MSRB3: variants seen among roughly 807,000 people sequenced by gnomAD.
MSRB3 encodes methionine-R-sulfoxide reductase B3.
Under a neutral mutation model 21.0 loss-of-function variants are expected in MSRB3, and 13 were observed. That is an observed-to-expected ratio of 0.62 (90% CI 0.40 to 0.98). The LOEUF is 0.98. Ranked by LOEUF, MSRB3 falls within the 50% of genes least tolerant of loss-of-function variation. MSRB3 has a pLI of 0.00. For synonymous variants in MSRB3, 87 were observed against 88.6 expected (o/e 0.98, Z 0.10); for missense variants, 199 against 230.3 (o/e 0.86, Z 0.88).
intron 1 of MSRB3, among the ~76,000 whole-genome samples, chr12:65,298,402 G>A (rs576131425): frequency 1.3e-5 from 2 of 152,326 alleles, no homozygotes; most frequent in African/African-American, 4.8e-5. Flanking sequence ...GCAGTTTGAA[G>A]TAGATATGGA....
At chr12:65,338,253 C>A (rs1317062342) in intron 4 of MSRB3, among the ~76,000 whole-genome samples, 1 of 152,036 alleles carries the variant, frequency 6.6e-6, no homozygotes. Flanking sequence ...ATTTCAAGTA[C>A]AGATATGACA....
chr12:65,360,026 G>A lies in MSRB3; in HGVS notation c.264-8972G>A, dbSNP rs1877609490. Reference sequence around the variant, plus strand: ...GGTCTGATGTCTTCTGAGGTCTCTCGTTGGCTTGTAGATGGTTATCTTCTC... The same window carrying A: ...GGTCTGATGTCTTCTGAGGTCTCTCATTGGCTTGTAGATGGTTATCTTCTC... On this transcript the variant is annotated intron_variant, in intron 4 of 6. Coordinates refer to ENST00000308259, the MANE Select transcript of MSRB3 (RefSeq NM_001031679.3). 2.6e-5 allele frequency among the ~76,000 whole-genome samples: 4 copies of A among 151,962 alleles called. No individual in the cohort carries two copies. The South Asian group carries it at 6.2e-4, about 24-fold the overall frequency.
chr12:65,387,431 A>G (rs1879250858), intron 5 of MSRB3, among the ~76,000 whole-genome samples: 1 of 152,078 alleles, frequency 6.6e-6, no homozygotes, highest in Admixed American at 6.6e-5. Flanking sequence ...CTGATAGGTA[A>G]AAAGTAGAAT....
At chr12:65,294,451 A>G (rs1333559454) in intron 1 of MSRB3, among the ~76,000 whole-genome samples, 5 of 152,180 alleles carry the variant, frequency 3.3e-5, no homozygotes, top group Non-Finnish European at 5.9e-5. Flanking sequence ...TTAGTTTCCA[A>G]TGCTGATGTA....
At chr12:65,356,263 G>T (rs1405219560) in intron 4 of MSRB3, among the ~76,000 whole-genome samples, 2 of 151,842 alleles carry the variant, frequency 1.3e-5, no homozygotes, top group Non-Finnish European at 2.9e-5. Context: ...GATAATAGCT[G>T]AAAAATAAAA....
chr12:65,437,681 A>G (rs1882182761), intron 5 of MSRB3, among the ~76,000 whole-genome samples: 1 of 151,776 alleles, frequency 6.6e-6, no homozygotes, highest in South Asian at 2.1e-4. Context: ...TGCCTAATCC[A>G]GTTATACTCA....
chr12:65,364,607 C>A (rs1245141868), intron 4 of MSRB3, among the ~76,000 whole-genome samples: 2 of 152,118 alleles, frequency 1.3e-5, no homozygotes, highest in Non-Finnish European at 2.9e-5. Context: ...TCCTTCTTTT[C>A]TTTTCTTGTG....
chr12:65,340,897 T>C (rs1001580654), intron 4 of MSRB3, among the ~76,000 whole-genome samples: 1 of 152,062 alleles, frequency 6.6e-6, no homozygotes, highest in African/African-American at 2.4e-5. Flanking sequence ...TTACAAGACC[T>C]GAATAGACCA....
At chr12:65,423,705 T>A (rs1448857451) in intron 5 of MSRB3, among the ~76,000 whole-genome samples, 1 of 152,220 alleles carries the variant, frequency 6.6e-6, no homozygotes, top group East Asian at 1.9e-4. Context: ...TCATGATGAA[T>A]CATTCTTTTA....
intron 4 of MSRB3, among the ~76,000 whole-genome samples, chr12:65,332,633 A>C (rs1471610267): frequency 6.6e-6 from 1 of 152,212 alleles, no homozygotes; most frequent in Non-Finnish European, 1.5e-5. Flanking sequence ...CTTAAAGTAT[A>C]ATAAAAAAAA....
chr12:65,329,919 C>T (rs564953392), intron 4 of MSRB3, among the ~76,000 whole-genome samples: 5 of 152,170 alleles, frequency 3.3e-5, no homozygotes, highest in Non-Finnish European at 5.9e-5. Flanking sequence ...CTTACGTATT[C>T]CTTCTGTTAA....
rs998540468 is a variant in MSRB3 at position 65,353,418 on chromosome 12, G to C, written c.264-15580G>C. ...ATGAATCTGGGTGCTCCTGTATTGG[G>C]TGCATATATATTTAGGATAGTTAGC... On this transcript the variant is annotated intron_variant, in intron 4 of 6. Transcript: ENST00000308259. Among the ~76,000 whole-genome samples, 39 of 152,214 alleles carry C rather than the reference G, an allele frequency of 2.6e-4. 1 individual carries two copies. Among genetic ancestry groups the C allele is most frequent in the African/African-American group, 9.4e-4 (39 of 41,526 alleles).
At chr12:65,414,678 C>T (rs766958997) in intron 5 of MSRB3, among the ~76,000 whole-genome samples, 5 of 152,104 alleles carry the variant, frequency 3.3e-5, no homozygotes, top group Non-Finnish European at 5.9e-5. Context: ...CATCCCCATC[C>T]GTAAGCAACA....
intron 4 of MSRB3, among the ~76,000 whole-genome samples, chr12:65,336,840 T>C (rs1875791512): frequency 6.6e-6 from 1 of 152,222 alleles, no homozygotes; most frequent in African/African-American, 2.4e-5. Flanking sequence ...TTTAATCAGA[T>C]AGATATCTTC....
In MSRB3 at chr12:65,308,573, C is replaced by T. The variant is rs763268132; in HGVS notation, c.-7C>T. On this transcript the variant is annotated 5_prime_UTR_variant, in exon 2 of 7. Coordinates refer to ENST00000308259, the MANE Select transcript of MSRB3 (RefSeq NM_001031679.3). The stretch of plus-strand genomic sequence containing the variant: ...CTTCTCGTTTTGTTGGTGAAGATAT[C>T]ACAGTGATGTCTGCATTCAACCTGC... 8.7e-6 allele frequency: 14 copies of T among 1,613,846 alleles called. No homozygotes were observed. Among genetic ancestry groups the T allele is most frequent in the Non-Finnish European group, 1.2e-5 (14 of 1,179,830 alleles).
At chr12:65,295,518 T>C (rs1347568191) in intron 1 of MSRB3, among the ~76,000 whole-genome samples, 1 of 151,408 alleles carries the variant, frequency 6.6e-6, no homozygotes, top group Non-Finnish European at 1.5e-5. Flanking sequence ...GATTCATACA[T>C]CATTTGGCTA....
At chr12:65,324,482 A>G (rs1234761058) in intron 2 of MSRB3, among the ~76,000 whole-genome samples, 1 of 152,240 alleles carries the variant, frequency 6.6e-6, no homozygotes, top group Non-Finnish European at 1.5e-5. Context: ...TCTATGAAAT[A>G]AAGTCTCTTC....
In MSRB3 at chr12:65,309,665, A is replaced by G. The variant is rs553842236; in HGVS notation, c.76+1010A>G. 1.3e-4 allele frequency among the ~76,000 whole-genome samples: 20 copies of G among 152,288 alleles called. No individual in the cohort carries two copies. In the South Asian group the frequency reaches 3.9e-3, roughly 30 times the overall value. On this transcript the variant is annotated intron_variant, in intron 2 of 6. Coordinates refer to ENST00000308259, the MANE Select transcript of MSRB3 (RefSeq NM_001031679.3). ...GAAGAAATGTTGGAAGGAAGGGAAGATCTCTGAAGTTTAAGGAGGGCATTA... is the reference window on the plus strand; with the variant it reads ...GAAGAAATGTTGGAAGGAAGGGAAGGTCTCTGAAGTTTAAGGAGGGCATTA...
At chr12:65,356,523 G>T (rs1257580503) in intron 4 of MSRB3, among the ~76,000 whole-genome samples, 1 of 151,848 alleles carries the variant, frequency 6.6e-6, no homozygotes, top group Non-Finnish European at 1.5e-5. Flanking sequence ...ACATGAGTAA[G>T]TTCTTTAGTG....
Sources: allele counts gnomAD v4.1 joint callset (sites outside exome capture counted in the v4.1 genomes callset), GRCh38; gene constraint gnomAD v4.1.1; transcripts MANE v1.5; gene names NCBI Gene and HGNC (gene_info 2026-07-23, HGNC 2026-07-21).